The following NRXN1 variants were observed in gnomAD, a reference collection of about 807,000 sequenced individuals.
NRXN1 encodes the protein neurexin-1.
NRXN1 carries 39 observed loss-of-function variants against 150.9 expected under a neutral mutation model. The observed-to-expected ratio is 0.26, with a 90% CI of 0.20 to 0.34. The LOEUF is 0.34. NRXN1 is among the 10% of genes least tolerant of loss of function. The pLI is 1.00. For synonymous variants in NRXN1, 924 were observed against 757.0 expected, an observed-to-expected ratio of 1.22 and a Z score of -3.62; for missense variants, 1,815 against 1,949.9, an observed-to-expected ratio of 0.93 and a Z score of 1.30.
At chr2:49,959,144 TC>T (rs1675482664) in intron 21 of NRXN1, among the ~76,000 whole-genome samples, 1 of 152,182 alleles carries the variant, frequency 6.6e-6, no homozygotes, top group Non-Finnish European at 1.5e-5. Context: ...AGTCCAAGCA[TC>T]CTTATTGAAA....
At chr2:50,935,458 G>A (rs191089648) in intron 2 of NRXN1, among the ~76,000 whole-genome samples, 205 of 152,234 alleles carry the variant, frequency 1.3e-3, no homozygotes, top group African/African-American at 4.3e-3. Context: ...TAGGCTGGGC[G>A]CAGTGGCTCA....
intron 18 of NRXN1, among the ~76,000 whole-genome samples, chr2:50,094,094 G>T (rs1044696881): frequency 2.0e-5 from 3 of 152,128 alleles, no homozygotes; most frequent in African/African-American, 7.2e-5. Context: ...AATAATTTTG[G>T]AATAAATTGT....
At chr2:50,766,601 C>A (rs1414506772) in intron 5 of NRXN1, among the ~76,000 whole-genome samples, 1 of 151,954 alleles carries the variant, frequency 6.6e-6, no homozygotes, top group Non-Finnish European at 1.5e-5. Flanking sequence ...ATGGTGTATG[C>A]TGGGATTAAT....
At chr2:50,551,786 TTC>T (rs1055220044) in intron 9 of NRXN1, among the ~76,000 whole-genome samples, 27 of 150,324 alleles carry the variant, frequency 1.8e-4, no homozygotes, top group Non-Finnish European at 1.5e-4. Flanking sequence ...TCTCCCTCTC[TTC>T]TCTCTCTCTC....
intron 8 of NRXN1, among the ~76,000 whole-genome samples, chr2:50,574,097 T>C (rs1448922740): frequency 2.0e-5 from 3 of 152,126 alleles, no homozygotes; most frequent in African/African-American, 7.2e-5. Context: ...CTTAATCTAC[T>C]GATAAAAGCT....
chr2:50,506,349 AAT>A lies in NRXN1; in HGVS notation c.2497+144_2497+145del, dbSNP rs905730690. ...ACCTAACAGACTGCTTATTTAATAA[AAT>A]AGTTACTAGAAAAAAATAGAATAAA... On this transcript the variant is annotated intron_variant, in intron 13 of 22. Transcript: ENST00000401669. The A allele has an allele frequency of 2.2e-4, 145 of 646,158 alleles. No homozygotes were observed. The African/African-American group carries it at 2.5e-3, about 11-fold the overall frequency. The allele number at this position is 646,158 out of a possible 1,614,324, so 40.0% of individuals were successfully genotyped here. A position where few individuals can be genotyped will look rare whatever the true frequency, so the allele number is the denominator to read the frequency against.
At chr2:50,779,076 C>T (rs1194106562) in intron 5 of NRXN1, among the ~76,000 whole-genome samples, 1 of 152,030 alleles carries the variant, frequency 6.6e-6, no homozygotes, top group Non-Finnish European at 1.5e-5. Context: ...GCAGAACATG[C>T]AGGTGTGTTA....
chr2:50,498,966 C>T (rs1314943849), intron 13 of NRXN1, among the ~76,000 whole-genome samples: 1 of 152,198 alleles, frequency 6.6e-6, no homozygotes, highest in Non-Finnish European at 1.5e-5. Flanking sequence ...ATCCCAGAAT[C>T]AGCCCCTGAG....
intron 18 of NRXN1, among the ~76,000 whole-genome samples, chr2:50,227,104 C>A (rs2064457540): frequency 6.6e-6 from 1 of 150,560 alleles, no homozygotes; most frequent in South Asian, 2.1e-4. Context: ...AACCTAATTC[C>A]AAATTTTGTC....
intron 19 of NRXN1, among the ~76,000 whole-genome samples, chr2:50,081,828 A>C (rs1215906207): frequency 6.6e-6 from 1 of 152,142 alleles, no homozygotes; most frequent in African/African-American, 2.4e-5. Context: ...AAGAACTCAG[A>C]GTGTTTGAGA....
rs558610498 is a variant in NRXN1, at chr2:50,111,195, T to C, written c.3547-19701A>G. On this transcript the variant is annotated intron_variant, in intron 18 of 22. Transcript: ENST00000401669. The stretch of plus-strand genomic sequence containing the variant: ...TAGTAAAATAACAAAATTCTTAGAA[T>C]TGGGAAGTGATCTTAGGCCCAAACT... Among the ~76,000 whole-genome samples the C allele has an allele frequency of 5.9e-5, 9 of 152,242 alleles. No homozygotes were observed. In the South Asian group the frequency reaches 8.3e-4, roughly 14 times the overall value.
At chr2:50,945,983 C>T (rs750900436) in intron 2 of NRXN1, among the ~76,000 whole-genome samples, 1 of 150,424 alleles carries the variant, frequency 6.6e-6, no homozygotes, top group Non-Finnish European at 1.5e-5. Flanking sequence ...CTTTTCAGCT[C>T]TATGTTTTAA....
At chr2:50,091,928 A>G (rs1422579561) in intron 18 of NRXN1, among the ~76,000 whole-genome samples, 1 of 152,180 alleles carries the variant, frequency 6.6e-6, no homozygotes, top group Non-Finnish European at 1.5e-5. Context: ...AAATACTCAC[A>G]ATAGGGGAAA....
rs571643163 is a variant in NRXN1, at chr2:50,384,049, T to C, written c.3364+81393A>G. 2.6e-5 allele frequency among the ~76,000 whole-genome samples: 4 copies of C among 152,352 alleles called. No individual in the cohort carries two copies. In the East Asian group the frequency reaches 7.7e-4, roughly 29 times the overall value. On this transcript the variant is annotated intron_variant, in intron 17 of 22. Transcript: ENST00000401669. ...AGAAACCTTCTCTCCATCCAACTTT[T>C]ACTACACATGAAGTGGTAGGTCAGC...
At chr2:50,835,811 G>A (rs1431902645) in intron 5 of NRXN1, among the ~76,000 whole-genome samples, 2 of 152,160 alleles carry the variant, frequency 1.3e-5, no homozygotes, top group Admixed American at 6.5e-5. Context: ...AGAATCTGAT[G>A]AGACTGATAG....
At chr2:50,804,947 C>T (rs1667318511) in intron 5 of NRXN1, among the ~76,000 whole-genome samples, 1 of 152,082 alleles carries the variant, frequency 6.6e-6, no homozygotes, top group Non-Finnish European at 1.5e-5. Context: ...AGAAGCAGTA[C>T]AGTATAATAA....
At chr2:50,324,943 G>C (rs1469185510) in intron 17 of NRXN1, among the ~76,000 whole-genome samples, 1 of 152,226 alleles carries the variant, frequency 6.6e-6, no homozygotes, top group Non-Finnish European at 1.5e-5. Flanking sequence ...GCTGTGCTCA[G>C]TTGTATTCTT....
intron 18 of NRXN1, among the ~76,000 whole-genome samples, chr2:50,219,708 G>C (rs1246816913): frequency 6.7e-6 from 1 of 150,138 alleles, no homozygotes; most frequent in Non-Finnish European, 1.5e-5. Context: ...GCAACATGGT[G>C]AGACCCCATC....
chr2:50,110,881 C>A (rs1312046708), intron 18 of NRXN1, among the ~76,000 whole-genome samples: 2 of 152,064 alleles, frequency 1.3e-5, no homozygotes, highest in Admixed American at 1.3e-4. Context: ...AAGAGAATGC[C>A]CATAAACTGA....
Sources: gnomAD v4.1 joint callset for allele counts (sites outside exome capture counted in the v4.1 genomes callset) on GRCh38, gnomAD v4.1.1 for gene constraint, MANE v1.5 for transcripts, NCBI Gene and HGNC (gene_info 2026-07-23, HGNC 2026-07-21) for gene names.